The following FERMT2 variants were observed in gnomAD, a reference collection of about 807,000 sequenced individuals.
FERMT2 encodes FERM domain containing kindlin 2, also known as fermitin family homolog 2.
In FERMT2, 15 loss-of-function variants were observed where a neutral mutation model predicts 82.7. The observed-to-expected ratio is 0.18, with a 90% confidence interval of 0.12 to 0.28. The LOEUF (loss-of-function observed/expected upper bound fraction) is 0.28, where lower values mean the gene tolerates loss of function less well. FERMT2 is among the 10% of genes least tolerant of loss of function. FERMT2 has a pLI of 1.00. For synonymous variants in FERMT2, 274 were observed against 271.5 expected, an observed-to-expected ratio of 1.01 and a Z score of -0.09; for missense variants, 645 against 809.4, an observed-to-expected ratio of 0.80 and a Z score of 2.46.
At chr14:52,861,004 G>A in intron 12 of FERMT2, 9 of 1,517,502 alleles carry the variant, frequency 5.9e-6, no homozygotes, top group Non-Finnish European at 8.0e-6. Flanking sequence ...GGTAAATATG[G>A]AGAACTTACC....
chr14:52,861,147 C>A, intron 12 of FERMT2: 2 of 908,514 alleles, frequency 2.2e-6, no homozygotes, highest in South Asian at 1.7e-5. Flanking sequence ...AACCAAAATT[C>A]CAGCCAAAAG....
At chr14:52,868,649 CAGA>C (rs1385531867) in intron 10 of FERMT2, among the ~76,000 whole-genome samples, 1 of 152,130 alleles carries the variant, frequency 6.6e-6, no homozygotes, top group Non-Finnish European at 1.5e-5. Context: ...TCTCATTTCT[CAGA>C]AGAAGATACT....
chr14:52,865,160 A>G (rs1266212597), intron 10 of FERMT2, among the ~76,000 whole-genome samples: 1 of 152,112 alleles, frequency 6.6e-6, no homozygotes, highest in Non-Finnish European at 1.5e-5. Context: ...TGTCTCTACT[A>G]AATACAAAAA....
In FERMT2 at chr14:52,864,866, A is replaced by T. The variant is rs372279187; in HGVS notation, c.1274-13T>A. On this transcript the variant is annotated splice_polypyrimidine_tract_variant and intron_variant, in intron 10 of 14. Coordinates refer to ENST00000341590, the MANE Select transcript of FERMT2 (RefSeq NM_006832.3). The stretch of plus-strand genomic sequence containing the variant: ...GTAACTTCACATCCTGTAACAAAAA[A>T]TTTTTATTAAAATGGCTAAATTTAC... 1.3e-5 allele frequency: 19 copies of T among 1,457,866 alleles called. No homozygotes were observed. The African/African-American group carries it at 1.8e-4, about 14-fold the overall frequency. 90.3% of individuals were successfully genotyped at this position (1,457,866 alleles called of 1,614,324 possible).
intron 4 of FERMT2, among the ~76,000 whole-genome samples, chr14:52,892,831 C>T (rs1416839991): frequency 6.6e-6 from 1 of 152,126 alleles, no homozygotes; most frequent in Non-Finnish European, 1.5e-5. Flanking sequence ...AAAAAATTTC[C>T]AATTTCTGCC....
chr14:52,923,481 G>A (rs541452323), intron 2 of FERMT2, among the ~76,000 whole-genome samples: 1 of 152,074 alleles, frequency 6.6e-6, no homozygotes, highest in Admixed American at 6.5e-5. Flanking sequence ...CTTAGATAAT[G>A]GTACAATAAA....
In FERMT2 at chr14:52,872,863, G is replaced by A. The variant is rs984815243; in HGVS notation, c.1209C>T (p.Ser403=). 3.7e-6 allele frequency: 6 copies of A among 1,613,758 alleles called. No individual in the cohort carries two copies. The African/African-American group carries it at 8.0e-5, about 22-fold the overall frequency. ...CTTCTTTGCTCTTATAACAAGAAAT[G>A]GATGTGTCTTTGAAGGTGCACCAAT... The part of the protein sequence containing the change: ...KQYWCTFKDT[S]ISCYKSKEES... The change falls in exon 10 of 15, where the codon TCC becomes TCT. Residue 403 remains serine, a synonymous_variant. Transcript: ENST00000341590.
chr14:52,900,483 T>G (rs1887558458), intron 3 of FERMT2, among the ~76,000 whole-genome samples: 1 of 150,646 alleles, frequency 6.6e-6, no homozygotes, highest in Admixed American at 6.6e-5. Flanking sequence ...GTGCATTTAT[T>G]TTCACTCCTT....
At chr14:52,920,690 C>A (rs542995939) in intron 2 of FERMT2, among the ~76,000 whole-genome samples, 2 of 151,060 alleles carry the variant, frequency 1.3e-5, no homozygotes, top group South Asian at 4.2e-4. Flanking sequence ...CAGTGGCTCA[C>A]GCCTATAATC....
At chr14:52,901,235 C>T (rs1315867828) in intron 3 of FERMT2, among the ~76,000 whole-genome samples, 1 of 143,948 alleles carries the variant, frequency 6.9e-6, no homozygotes, top group Non-Finnish European at 1.5e-5. Flanking sequence ...GAGCCGAGAT[C>T]GCGCCACTGC....
chr14:52,874,402 T>A (rs1164828262), intron 8 of FERMT2, among the ~76,000 whole-genome samples, 176 bp from the exon 9 acceptor site: 1 of 152,202 alleles, frequency 6.6e-6, no homozygotes, highest in Non-Finnish European at 1.5e-5. Context: ...TTCTTCTTGG[T>A]ACAAAGGCAT....
intron 4 of FERMT2, among the ~76,000 whole-genome samples, chr14:52,884,597 G>A (rs749841408): frequency 4.0e-5 from 6 of 151,534 alleles, no homozygotes; most frequent in Admixed American, 6.6e-5. Context: ...GCGAAACTCC[G>A]TCTCAAAAAC....
chr14:52,934,087 TAA>T (rs1889725239), intron 2 of FERMT2, among the ~76,000 whole-genome samples: 1 of 152,184 alleles, frequency 6.6e-6, no homozygotes, highest in Non-Finnish European at 1.5e-5. Context: ...CCCACTAGAT[TAA>T]GTCTTTATCC....
chr14:52,861,460 T>C (rs1156481820), intron 12 of FERMT2: 3 of 160,662 alleles, frequency 1.9e-5, no homozygotes, highest in African/African-American at 7.2e-5. Flanking sequence ...CTTTAAAGTC[T>C]TCTCAGATTT....
chr14:52,871,331 A>C (rs986115283), intron 10 of FERMT2: 1 of 152,346 alleles, frequency 6.6e-6, no homozygotes, highest in East Asian at 1.9e-4. Flanking sequence ...GTGCAGAGCC[A>C]GCTGATTGAC....
In FERMT2 at chr14:52,868,630, G is replaced by A. The variant is rs77577320; in HGVS notation, c.1274-3777C>T. 2.3e-3 allele frequency among the ~76,000 whole-genome samples: 351 copies of A among 152,242 alleles called. 5 individuals are homozygous for A. In the East Asian group the frequency reaches 0.049, roughly 21 times the overall value. On this transcript the variant is annotated intron_variant, in intron 10 of 14. Transcript: ENST00000341590. Reference sequence around the variant, plus strand: ...GATCTCTATGAAGCCTTGGCATCCAGTCTAACACTCTCATTTCTCAGAAGA... The same window carrying A: ...GATCTCTATGAAGCCTTGGCATCCAATCTAACACTCTCATTTCTCAGAAGA...
chr14:52,946,419 A>G (rs1595030907), intron 2 of FERMT2, among the ~76,000 whole-genome samples: 1 of 151,466 alleles, frequency 6.6e-6, no homozygotes, highest in Non-Finnish European at 1.5e-5. Flanking sequence ...TTGGGAGGCC[A>G]AGGTGGAAGG....
In FERMT2 at chr14:52,858,150, T is replaced by C. The variant is rs1444791361; in HGVS notation, c.*227A>G. On this transcript the variant is annotated 3_prime_UTR_variant, in exon 15 of 15. Transcript: ENST00000341590. ...ATTTGCCCACTATTTCAGTTTTCAA[T>C]TCATGGCCCTAAGGAATGTGTGACA... 3 of 471,424 alleles carry C rather than the reference T, an allele frequency of 6.4e-6. No individual in the cohort carries two copies. The highest frequency in any genetic ancestry group is 3.2e-5 in the South Asian group (1 of 30,794). The allele number at this position is 471,424 out of a possible 1,614,324, so 29.2% of individuals were successfully genotyped here. A position where few individuals can be genotyped will look rare whatever the true frequency, so the allele number is the denominator to read the frequency against.
chr14:52,916,335 C>A (rs1315378363), intron 3 of FERMT2, among the ~76,000 whole-genome samples: 2 of 147,678 alleles, frequency 1.4e-5, no homozygotes, highest in Non-Finnish European at 3.0e-5. Flanking sequence ...CAGAGCGAGA[C>A]TCGTCTCAAA....
Sources: allele counts gnomAD v4.1 joint callset (sites outside exome capture counted in the v4.1 genomes callset), GRCh38; gene constraint gnomAD v4.1.1; transcripts MANE v1.5; gene names NCBI Gene and HGNC (gene_info 2026-07-23, HGNC 2026-07-21).